ABCF1: variants seen among roughly 807,000 people sequenced by gnomAD.
ABCF1 encodes the protein ATP binding cassette subfamily F member 1, also known as ATP-binding cassette sub-family F member 1.
Under a neutral mutation model 126.3 loss-of-function variants are expected in ABCF1, and 73 were observed. The ratio of observed to expected loss-of-function variants is 0.58; its 90% CI spans 0.48 to 0.70. The LOEUF (loss-of-function observed/expected upper bound fraction) is 0.70. Ranked by LOEUF, ABCF1 falls within the 30% of genes least tolerant of loss-of-function variation. ABCF1 has a pLI of 0.00. For synonymous variants in ABCF1, 345 were observed against 396.4 expected, an observed-to-expected ratio of 0.87 and a Z score of 1.54; for missense variants, 786 against 1,057.5, an observed-to-expected ratio of 0.74 and a Z score of 3.56.
At position 30,579,311 on chromosome 6, in the gene ABCF1, C is replaced by T. The variant is rs538619148; in HGVS notation, c.490-620C>T. Among the ~76,000 whole-genome samples the T allele has an allele frequency of 9.2e-5, 14 of 152,110 alleles. No individual in the cohort carries two copies. The South Asian group carries it at 2.7e-3, about 29-fold the overall frequency. On this transcript the variant is annotated intron_variant, in intron 6 of 24. Transcript: ENST00000326195. Reference sequence around the variant, plus strand: ...TTTTCTGGGTCTCATTTTTCGTCAGCAGCACTCAATACAGATGGTCTCCAA... The same window carrying T: ...TTTTCTGGGTCTCATTTTTCGTCAGTAGCACTCAATACAGATGGTCTCCAA...
chr6:30,575,425 G>C (rs1466655802), intron 1 of ABCF1, among the ~76,000 whole-genome samples: 1 of 151,664 alleles, frequency 6.6e-6, no homozygotes, highest in Non-Finnish European at 1.5e-5. Context: ...TTAGATAGCA[G>C]TGAATGGAAG....
chr6:30,590,383 G>T lies in ABCF1; in HGVS notation c.2371+5G>T. 1 of 1,605,714 alleles carries T rather than the reference G, an allele frequency of 6.2e-7. No individual in the cohort carries two copies. Among genetic ancestry groups the T allele is most frequent in the Non-Finnish European group, 8.5e-7 (1 of 1,175,878 alleles). On this transcript the variant is annotated splice_donor_5th_base_variant and intron_variant, in intron 24 of 24. Transcript: ENST00000326195. ...CCATCAATGAATACAAGGGTGGTAA[G>T]TCAGCTGAGAGTGTGCCCTCATCCC... is the stretch of plus-strand genomic sequence containing the variant.
At chr6:30,589,581 G>A in intron 20 of ABCF1, 107 bp from the exon 21 acceptor site, 10 of 1,329,046 alleles carry the variant, frequency 7.5e-6, no homozygotes, top group Non-Finnish European at 1.0e-5. Flanking sequence ...CCAGCCTGGG[G>A]GACAGAGCGA....
At chr6:30,585,483 G>C in intron 15 of ABCF1, 75 bp from the exon 16 acceptor site, 1 of 1,599,846 alleles carries the variant, frequency 6.3e-7, no homozygotes, top group South Asian at 1.1e-5. Context: ...CCCAGCCCCC[G>C]TTGTCTGCCT....
rs764374467 is a variant in ABCF1 at position 30,585,323 on chromosome 6, C to T, written c.1455C>T (p.Asn485=). 1.1e-5 allele frequency: 17 copies of T among 1,613,008 alleles called. No homozygotes were observed. The highest frequency in any genetic ancestry group is 8.0e-5 in the African/African-American group (6 of 74,806). The change falls in exon 15 of 25, where the codon AAC becomes AAT. Residue 485 remains asparagine, a synonymous_variant. Transcript: ENST00000326195. The stretch of plus-strand genomic sequence containing the variant: ...AGCCCACCAACCACCTGGACCTCAA[C>T]GCTGTCATCTGGCTTAATAAGTGCG... ...LDEPTNHLDL[N]AVIWLNNYLQ...
intron 6 of ABCF1, among the ~76,000 whole-genome samples, chr6:30,579,390 C>T (rs1310274157): frequency 6.6e-6 from 1 of 150,970 alleles, no homozygotes; most frequent in African/African-American, 2.4e-5. Context: ...AAGTCATACT[C>T]ATTTAGGGTA....
rs536719302 is a variant in ABCF1 at position 30,586,070 on chromosome 6, T to C, written c.1714-64T>C. 2.1e-5 allele frequency: 33 copies of C among 1,593,878 alleles called. No homozygotes were observed. In the East Asian group the frequency reaches 6.9e-4, roughly 33 times the overall value. On this transcript the variant is annotated intron_variant, in intron 17 of 24. Coordinates refer to ENST00000326195, the MANE Select transcript of ABCF1 (RefSeq NM_001025091.2). The surrounding 1 kb of genome is among the most constrained non-coding windows in gnomAD (Gnocchi z 4.9). ...GAGGAAGAAGGAGACTCTGGAACGC[T>C]GGCCTACATTTCAAGGACTGCCGCG...
chr6:30,584,205 T>C lies in ABCF1; in HGVS notation c.1116T>C (p.Asp372=). 6.2e-7 allele frequency: 1 copy of C among 1,612,292 alleles called. No individual in the cohort carries two copies. Among genetic ancestry groups the C allele is most frequent in the Non-Finnish European group, 8.5e-7 (1 of 1,179,796 alleles). ...TCTGCCTCCCAGAGGTGGTAGCAGA[T>C]GAGACACCAGCAGTCCAGGCTGTTC... is the stretch of plus-strand genomic sequence containing the variant. ...VLLCEQEVVA[D]ETPAVQAVLR... Residue 372 remains aspartate, a synonymous_variant, in exon 13 of 25, where the codon GAT becomes GAC. Coordinates refer to ENST00000326195, the MANE Select transcript of ABCF1 (RefSeq NM_001025091.2). This position sits in a 1 kb window ranked among gnomAD's most constrained non-coding sequence, Gnocchi z 4.6.
intron 8 of ABCF1, 127 bp from the exon 9 acceptor site, chr6:30,582,267 A>G: frequency 1.6e-6 from 1 of 613,718 alleles, no homozygotes; most frequent in Non-Finnish European, 2.9e-6. Context: ...CATGTTAGCC[A>G]GGATGGTCTT....
chr6:30,581,087 A>C lies in ABCF1; in HGVS notation c.678+568A>C, dbSNP rs546883769. On this transcript the variant is annotated intron_variant, in intron 8 of 24. Coordinates refer to ENST00000326195, the MANE Select transcript of ABCF1 (RefSeq NM_001025091.2). ...TTTAACAACTCTTTGAAAATACAAA[A>C]ATTATTTTTATAAAGTTCAGGAGCT... 8.0e-4 allele frequency among the ~76,000 whole-genome samples: 122 copies of C among 152,266 alleles called. 1 individual carries two copies. Among genetic ancestry groups the C allele is most frequent in the Admixed American group, 4.5e-3 (69 of 15,282 alleles).
At chr6:30,580,995 G>A (rs968517081) in intron 8 of ABCF1, among the ~76,000 whole-genome samples, 2 of 151,888 alleles carry the variant, frequency 1.3e-5, no homozygotes, top group African/African-American at 2.4e-5. Context: ...TTCTATAAAG[G>A]GCCATATAGT....
In ABCF1 at chr6:30,584,572, C is replaced by T; in HGVS notation, c.1391+6C>T. 1 of 1,587,004 alleles carries T rather than the reference C, an allele frequency of 6.3e-7. No homozygotes were observed. Among genetic ancestry groups the T allele is most frequent in the Non-Finnish European group, 8.6e-7 (1 of 1,166,720 alleles). ...ATGCGTGTCTCCCTGGCCAGGTGGG[C>T]CATTCACCTCACTGCCCTCCCTTCC... On this transcript the variant is annotated splice_donor_region_variant and intron_variant, in intron 14 of 24. Coordinates refer to ENST00000326195, the MANE Select transcript of ABCF1 (RefSeq NM_001025091.2). This position sits in a 1 kb window ranked among gnomAD's most constrained non-coding sequence, Gnocchi z 4.6.
chr6:30,574,720 T>C lies in ABCF1; in HGVS notation c.74-2689T>C, dbSNP rs554547636. 6.6e-6 allele frequency among the ~76,000 whole-genome samples: 1 copy of C among 152,292 alleles called. No individual in the cohort carries two copies. Among genetic ancestry groups the C allele is most frequent in the East Asian group, 1.9e-4 (1 of 5,188 alleles). On this transcript the variant is annotated intron_variant, in intron 1 of 24. Coordinates refer to ENST00000326195, the MANE Select transcript of ABCF1 (RefSeq NM_001025091.2). The surrounding 1 kb of genome is among the most constrained non-coding windows in gnomAD (Gnocchi z 4.3). ...TTTCTTTAACTTTTTTGTTTGTTTT[T>C]TGTGGTTTGTTTTTTGGGGAGGAGG...
In ABCF1 at chr6:30,590,847, G is replaced by T; in HGVS notation, c.*146G>T. ...TGAAGGTGGAGTGTGACCTTGATGTGACCGGGATCCCACTCTGATTGCATC... is the reference window on the plus strand; with the variant it reads ...TGAAGGTGGAGTGTGACCTTGATGTTACCGGGATCCCACTCTGATTGCATC... On this transcript the variant is annotated 3_prime_UTR_variant, in exon 25 of 25. Coordinates refer to ENST00000326195, the MANE Select transcript of ABCF1 (RefSeq NM_001025091.2). 1.2e-6 allele frequency: 1 copy of T among 809,802 alleles called. No homozygotes were observed. The highest frequency in any genetic ancestry group is 2.1e-5 in the South Asian group (1 of 48,412). 50.2% of individuals were successfully genotyped at this position (809,802 alleles called of 1,614,324 possible). A position where few individuals can be genotyped will look rare whatever the true frequency, so the allele number is the denominator to read the frequency against.
chr6:30,578,011 C>G, intron 3 of ABCF1, 65 bp from the exon 4 acceptor site: 1 of 1,613,762 alleles, frequency 6.2e-7, no homozygotes, highest in Non-Finnish European at 8.5e-7. Context: ...GGGGAACCCT[C>G]TGTGAGGCAG....
chr6:30,583,327 C>T lies in ABCF1; in HGVS notation c.915+139C>T. Reference sequence around the variant, plus strand: ...GGAGGCATTTTCCACACCTTAGGTTCTGCCAACTTGAGCAAGAAGATAGAA... The same window carrying T: ...GGAGGCATTTTCCACACCTTAGGTTTTGCCAACTTGAGCAAGAAGATAGAA... On this transcript the variant is annotated intron_variant, in intron 10 of 24. Transcript: ENST00000326195. This position sits in a 1 kb window ranked among gnomAD's most constrained non-coding sequence, Gnocchi z 4.1. 1 of 1,265,426 alleles carries T rather than the reference C, an allele frequency of 7.9e-7. No homozygotes were observed. The highest frequency in any genetic ancestry group is 1.1e-6 in the Non-Finnish European group (1 of 920,388). The allele number at this position is 1,265,426 out of a possible 1,614,324, so 78.4% of individuals were successfully genotyped here.
In ABCF1 at chr6:30,583,701, C is replaced by T. The variant is rs763199273; in HGVS notation, c.1009C>T (p.Pro337Ser). 2 of 1,613,840 alleles carry T rather than the reference C, an allele frequency of 1.2e-6. No homozygotes were observed. The highest frequency in any genetic ancestry group is 8.5e-7 in the Non-Finnish European group (1 of 1,179,946). The change falls in exon 11 of 25, where the codon CCC becomes TCC. Residue 337 changes from proline (P) to serine (S), a missense_variant. Physicochemically the swap from Pro to Ser is moderately conservative, Grantham distance 74. Around this residue, in one of 4 missense-constraint regions of ABCF1, gnomAD observed 163 missense variants for 255.3 expected, o/e 0.64. Transcript: ENST00000326195. The surrounding 1 kb of genome is among the most constrained non-coding windows in gnomAD (Gnocchi z 4.1). ...CGGCCGCCGCTACGGGCTGGTAGGA[C>T]CCAATGGGTGAGAAGAGGAGGGAGC... Reference protein sequence around the residue: ...VAGRRYGLVGPNGKGKTTLLK... With the variant: ...VAGRRYGLVGSNGKGKTTLLK...
intron 2 of ABCF1, 79 bp from the exon 3 acceptor site, chr6:30,577,739 G>A: frequency 1.4e-6 from 2 of 1,381,592 alleles, no homozygotes; most frequent in Non-Finnish European, 2.0e-6. Flanking sequence ...GAGGGCCAGT[G>A]GGCCAATGTG....
intron 20 of ABCF1, among the ~76,000 whole-genome samples, chr6:30,587,022 C>A (rs1038193526): frequency 3.3e-5 from 5 of 152,124 alleles, no homozygotes; most frequent in African/African-American, 1.2e-4. Flanking sequence ...CTCCTATAAT[C>A]CCAGCAGGGA....
Sources: gnomAD v4.1 joint callset for allele counts (sites outside exome capture counted in the v4.1 genomes callset) on GRCh38, gnomAD v4.1.1 for gene constraint, gnomAD v4.1.1 regional missense constraint, Gnocchi (gnomAD v3.1) non-coding constraint, MANE v1.5 for transcripts, NCBI Gene and HGNC (gene_info 2026-07-23, HGNC 2026-07-21) for gene names.